NBEA: variants seen among roughly 807,000 people sequenced by gnomAD.
NBEA encodes the protein lysosomal-trafficking regulator 2.
NBEA carries 44 observed loss-of-function variants against 343.4 expected under a neutral mutation model. The observed-to-expected ratio is 0.13, with a 90% confidence interval of 0.10 to 0.16. The LOEUF is 0.16. Among genes scored for constraint, NBEA ranks in the 10% least tolerant of loss-of-function variants. NBEA has a pLI of 1.00. For synonymous variants in NBEA, 1,175 were observed against 1,238.7 expected (o/e 0.95, Z 1.08); for missense variants, 2,555 against 3,631.3 (o/e 0.70, Z 7.62).
chr13:35,164,287 T>C (rs2069818164), intron 23 of NBEA, 69 bp from the exon 24 acceptor site: 1 of 1,351,802 alleles, frequency 7.4e-7, no homozygotes, highest in East Asian at 2.6e-5. Context: ...TTTCACTTGT[T>C]ATTCTAATTG....
chr13:35,112,772 C>A (rs892626792), intron 13 of NBEA, among the ~76,000 whole-genome samples: 4 of 152,214 alleles, frequency 2.6e-5, no homozygotes, highest in Middle Eastern at 3.4e-3. Context: ...TATAAACACA[C>A]CTACAGATAT....
chr13:35,326,166 G>T (rs1264657864), intron 36 of NBEA, among the ~76,000 whole-genome samples: 2 of 152,014 alleles, frequency 1.3e-5, no homozygotes, highest in Non-Finnish European at 2.9e-5. Flanking sequence ...TTCAGAATAA[G>T]TTTTTCTAAA....
chr13:35,101,601 T>C (rs897137722), intron 11 of NBEA, among the ~76,000 whole-genome samples: 1 of 151,882 alleles, frequency 6.6e-6, no homozygotes, highest in African/African-American at 2.4e-5. Flanking sequence ...TTCTGGATAC[T>C]AGTCCCTTAA....
At chr13:35,134,880 C>A (rs1424053731) in intron 17 of NBEA, among the ~76,000 whole-genome samples, 2 of 151,792 alleles carry the variant, frequency 1.3e-5, no homozygotes, top group Non-Finnish European at 2.9e-5. Flanking sequence ...ATAAGGAAAG[C>A]CTTTTCAAAT....
chr13:34,992,738 T>G (rs1223324175), intron 1 of NBEA, among the ~76,000 whole-genome samples: 1 of 151,808 alleles, frequency 6.6e-6, no homozygotes, highest in African/African-American at 2.4e-5. Context: ...AGTGGCATGA[T>G]CTCAGCTCAC....
At chr13:35,081,575 G>A (rs2064401443) in intron 10 of NBEA, among the ~76,000 whole-genome samples, 1 of 151,756 alleles carries the variant, frequency 6.6e-6, no homozygotes, top group Admixed American at 6.6e-5. Flanking sequence ...GGCAAATATG[G>A]CAGGAATGAC....
At chr13:35,639,760 A>G (rs1427325519) in intron 49 of NBEA, among the ~76,000 whole-genome samples, 1 of 152,092 alleles carries the variant, frequency 6.6e-6, no homozygotes, top group Non-Finnish European at 1.5e-5. Flanking sequence ...GATATTTTGC[A>G]TTGTGGGTAC....
chr13:35,358,079 T>A (rs1236850373), intron 38 of NBEA, among the ~76,000 whole-genome samples: 1 of 152,106 alleles, frequency 6.6e-6, no homozygotes, highest in Non-Finnish European at 1.5e-5. Flanking sequence ...TGAAGTTCAG[T>A]GGCACGATCT....
intron 34 of NBEA, among the ~76,000 whole-genome samples, chr13:35,249,504 C>T (rs1461271037): frequency 1.3e-5 from 2 of 151,472 alleles, no homozygotes; most frequent in Admixed American, 6.6e-5. Context: ...AAGAAGAAAC[C>T]TTATACCCAT....
intron 22 of NBEA, among the ~76,000 whole-genome samples, chr13:35,160,786 T>C (rs1394708897): frequency 1.3e-5 from 2 of 152,192 alleles, no homozygotes; most frequent in Non-Finnish European, 2.9e-5. Flanking sequence ...ATTTTAATTG[T>C]TGAGCTCTGA....
chr13:34,986,458 T>C (rs1417732816), intron 1 of NBEA, among the ~76,000 whole-genome samples: 1 of 151,062 alleles, frequency 6.6e-6, no homozygotes, highest in East Asian at 1.9e-4. Context: ...CTTCCAACCA[T>C]GTGGTCAATT....
At chr13:34,977,667 T>C (rs1389314157) in intron 1 of NBEA, among the ~76,000 whole-genome samples, 1 of 152,202 alleles carries the variant, frequency 6.6e-6, no homozygotes, top group East Asian at 1.9e-4. Flanking sequence ...TATTGAGAAG[T>C]AATCTAATTC....
chr13:35,247,265 A>T (rs567651155), intron 34 of NBEA, among the ~76,000 whole-genome samples: 1 of 152,282 alleles, frequency 6.6e-6, no homozygotes, highest in East Asian at 1.9e-4. Context: ...TCATGTCTTC[A>T]CACTGAATTC....
intron 17 of NBEA, among the ~76,000 whole-genome samples, chr13:35,132,295 C>A (rs2067472083): frequency 1.3e-5 from 2 of 152,110 alleles, no homozygotes; most frequent in Admixed American, 1.3e-4. Flanking sequence ...GTAGCCAGGA[C>A]TACAGGTGCG....
intron 23 of NBEA, among the ~76,000 whole-genome samples, chr13:35,162,527 ACTCTTCTTCCTTC>A (rs1305505942): frequency 6.6e-6 from 1 of 151,824 alleles, no homozygotes; most frequent in South Asian, 2.1e-4. Context: ...GGCAGAGATG[ACTCTTCTTCCTTC>A]CTCTTCTTCC....
At chr13:35,009,845 C>G (rs1384748630) in intron 1 of NBEA, among the ~76,000 whole-genome samples, 1 of 152,076 alleles carries the variant, frequency 6.6e-6, no homozygotes, top group Non-Finnish European at 1.5e-5. Flanking sequence ...AAAGAACTGA[C>G]CAGAATTTAG....
At chr13:35,097,542 A>C (rs1442389984) in intron 10 of NBEA, among the ~76,000 whole-genome samples, 1 of 152,028 alleles carries the variant, frequency 6.6e-6, no homozygotes. Flanking sequence ...TGCTGGTTAA[A>C]ATCATTATAT....
In NBEA at chr13:35,621,521, C is replaced by G. The variant is rs1014017413; in HGVS notation, c.7450-6560C>G. ...TGTCACCTGCTGACACACCCTGTAT[C>G]TTACTAATTATGTTAGTTTTTGTTG... On this transcript the variant is annotated intron_variant, in intron 48 of 58. Coordinates refer to ENST00000379939, the MANE Select transcript of NBEA (RefSeq NM_001385012.1). Among the ~76,000 whole-genome samples, 8 of 152,154 alleles carry G rather than the reference C, an allele frequency of 5.3e-5. No individual in the cohort carries two copies. The East Asian group carries it at 1.5e-3, about 29-fold the overall frequency.
intron 38 of NBEA, among the ~76,000 whole-genome samples, chr13:35,356,841 G>A (rs143204041): frequency 1.5e-3 from 224 of 152,114 alleles, no homozygotes; most frequent in Non-Finnish European, 2.6e-3. Context: ...TGTTCCTTCT[G>A]CATGATATAC....
Sources: allele counts gnomAD v4.1 joint callset (sites outside exome capture counted in the v4.1 genomes callset), GRCh38; gene constraint gnomAD v4.1.1; transcripts MANE v1.5; gene names NCBI Gene and HGNC (gene_info 2026-07-23, HGNC 2026-07-21).